Variants in SDCCAG8 observed in about 807,000 individuals in gnomAD.
The protein encoded by SDCCAG8 is serologically defined colon cancer antigen 8.
Under a neutral mutation model 101.8 loss-of-function variants are expected in SDCCAG8, and 74 were observed. That is an observed-to-expected ratio of 0.73 (90% CI 0.60 to 0.88). The LOEUF is 0.88. SDCCAG8 is among the 40% of genes least tolerant of loss of function. The pLI, the probability that SDCCAG8 is intolerant of heterozygous loss-of-function variation, is 0.00. For synonymous variants in SDCCAG8, 281 were observed against 292.9 expected (o/e 0.96, Z 0.41); for missense variants, 787 against 822.6 (o/e 0.96, Z 0.53).
At chr1:243,425,077 G>A (rs1009670190) in intron 15 of SDCCAG8, among the ~76,000 whole-genome samples, 19 of 152,064 alleles carry the variant, frequency 1.2e-4, no homozygotes, top group East Asian at 9.7e-4. Flanking sequence ...AACTCCTTTC[G>A]GACTATTTCA....
intron 1 of SDCCAG8, among the ~76,000 whole-genome samples, chr1:243,258,473 C>T (rs1436860055): frequency 6.6e-6 from 1 of 152,176 alleles, no homozygotes; most frequent in Non-Finnish European, 1.5e-5. Context: ...GGTGCCATCT[C>T]GGCTCACTGC....
chr1:243,344,335 A>G lies in SDCCAG8; in HGVS notation c.1473+4A>G. The stretch of plus-strand genomic sequence containing the variant: ...GGATCTTGAAATTAAAGATCAGGTA[A>G]GAGAGGACACAGCATAATTGCAGCA... On this transcript the variant is annotated splice_donor_region_variant and intron_variant, in intron 12 of 17. Transcript: ENST00000366541. 1 of 1,577,310 alleles carries G rather than the reference A, an allele frequency of 6.3e-7. No individual in the cohort carries two copies. Among genetic ancestry groups the G allele is most frequent in the Non-Finnish European group, 8.7e-7 (1 of 1,146,500 alleles).
intron 17 of SDCCAG8, among the ~76,000 whole-genome samples, chr1:243,491,846 G>A (rs182994105): frequency 6.6e-6 from 1 of 152,208 alleles, no homozygotes; most frequent in Non-Finnish European, 1.5e-5. Context: ...TCATGTCCGG[G>A]TTAGAGATGG....
intron 16 of SDCCAG8, among the ~76,000 whole-genome samples, chr1:243,461,954 T>C (rs1422171963): frequency 6.6e-6 from 1 of 152,102 alleles, no homozygotes; most frequent in African/African-American, 2.4e-5. Context: ...ATACCTAATA[T>C]ATTTTGGTAG....
At chr1:243,332,677 T>G (rs569618875) in intron 10 of SDCCAG8, among the ~76,000 whole-genome samples, 1 of 152,098 alleles carries the variant, frequency 6.6e-6, no homozygotes, top group East Asian at 1.9e-4. Flanking sequence ...GAGGTGATTA[T>G]CGCAGTCCAG....
At chr1:243,310,428 G>C (rs931303945) in intron 8 of SDCCAG8, among the ~76,000 whole-genome samples, 1 of 152,066 alleles carries the variant, frequency 6.6e-6, no homozygotes, top group African/African-American at 2.4e-5. Flanking sequence ...GGAAATTGGG[G>C]TTCAGAGAAG....
At position 243,293,196 on chromosome 1, in the gene SDCCAG8, T is replaced by C; in HGVS notation, c.652T>C (p.Ser218Pro). 6.2e-7 allele frequency: 1 copy of C among 1,614,174 alleles called. No individual in the cohort carries two copies. Among genetic ancestry groups the C allele is most frequent in the South Asian group, 1.1e-5 (1 of 91,082 alleles). Residue 218 changes from serine to proline, a missense_variant, in exon 6 of 18, where the codon TCT becomes CCT. Physicochemically the swap from Ser to Pro is moderately conservative, Grantham distance 74. Coordinates refer to ENST00000366541, the MANE Select transcript of SDCCAG8 (RefSeq NM_006642.5). ...HDNADFGKAA[S>P]AGEQLELEKL... ...CAATGCAGATTTTGGCAAAGCTGCATCTGCTGGTGAGCAGCTAGAACTGGT... is the reference window on the plus strand; with the variant it reads ...CAATGCAGATTTTGGCAAAGCTGCACCTGCTGGTGAGCAGCTAGAACTGGT...
chr1:243,332,172 T>TG (rs1453391246), intron 10 of SDCCAG8, among the ~76,000 whole-genome samples: 2 of 152,006 alleles, frequency 1.3e-5, no homozygotes, highest in East Asian at 3.9e-4. Context: ...CCCTGATGGG[T>TG]GGAGCATAGA....
chr1:243,406,188 T>G (rs531256947), intron 13 of SDCCAG8, among the ~76,000 whole-genome samples: 1 of 152,312 alleles, frequency 6.6e-6, no homozygotes, highest in East Asian at 1.9e-4. Context: ...TTTGAAAATA[T>G]GAAGATACAA....
intron 12 of SDCCAG8, among the ~76,000 whole-genome samples, chr1:243,367,499 C>CA (rs1322511332): frequency 2.0e-5 from 3 of 151,660 alleles, no homozygotes; most frequent in African/African-American, 7.3e-5. Flanking sequence ...TGTTAGCAAA[C>CA]ACAGGTCAAA....
At chr1:243,354,007 A>G (rs2076249740) in intron 12 of SDCCAG8, among the ~76,000 whole-genome samples, 1 of 152,224 alleles carries the variant, frequency 6.6e-6, no homozygotes, top group Non-Finnish European at 1.5e-5. Flanking sequence ...TTAGCACATG[A>G]CTGTTGATGA....
At chr1:243,432,309 G>A (rs2081836452) in intron 16 of SDCCAG8, among the ~76,000 whole-genome samples, 1 of 152,166 alleles carries the variant, frequency 6.6e-6, no homozygotes, top group South Asian at 2.1e-4. Flanking sequence ...TGTTCTCATT[G>A]TAAGTGGGAG....
In SDCCAG8 at chr1:243,344,278, G is replaced by A. The variant is rs2075566223; in HGVS notation, c.1420G>A (p.Glu474Lys). The change falls in exon 12 of 18, where the codon GAG (glutamate) becomes AAG (lysine). Residue 474 changes from glutamate (E) to lysine (K), a missense_variant. Glu to Lys is a moderately conservative substitution (Grantham distance 56). Coordinates refer to ENST00000366541, the MANE Select transcript of SDCCAG8 (RefSeq NM_006642.5). The stretch of plus-strand genomic sequence containing the variant: ...CATGGAGAAGGATGAGGCAGAAAAG[G>A]AGCACAGAGAGTTCAGAGCAAAAAC... ...TNMEKDEAEK[E>K]HREFRAKTNR... is the part of the protein sequence containing the mutation. 1 of 1,614,002 alleles carries A rather than the reference G, an allele frequency of 6.2e-7. No individual in the cohort carries two copies.
At chr1:243,412,348 A>G (rs2080242909) in intron 13 of SDCCAG8, among the ~76,000 whole-genome samples, 2 of 152,200 alleles carry the variant, frequency 1.3e-5, no homozygotes, top group Non-Finnish European at 2.9e-5. Context: ...CATAAAAGAC[A>G]TTAATATTAA....
Position 243,364,987 on chromosome 1 carries a change from AGAC to A in SDCCAG8, c.1474-13731_1474-13729del, listed in dbSNP as rs199927647. Among the ~76,000 whole-genome samples the A allele has an allele frequency of 7.7e-3, 1,173 of 152,354 alleles. 22 individuals carry two copies. The highest frequency in any genetic ancestry group is 0.027 in the African/African-American group (1,121 of 41,566). On this transcript the variant is annotated intron_variant, in intron 12 of 17. Coordinates refer to ENST00000366541, the MANE Select transcript of SDCCAG8 (RefSeq NM_006642.5). ...GATTAACAGTTGTCTGAGGAGAAACAGACGATATGTTTTCTTTATTGCATTGAA... is the reference window on the plus strand; with the variant it reads ...GATTAACAGTTGTCTGAGGAGAAACAGATATGTTTTCTTTATTGCATTGAA...
intron 13 of SDCCAG8, among the ~76,000 whole-genome samples, chr1:243,401,409 G>T (rs1285105585): frequency 6.6e-6 from 1 of 152,182 alleles, no homozygotes; most frequent in Non-Finnish European, 1.5e-5. Context: ...TGACTGCAAG[G>T]TCCTCTTGAT....
At chr1:243,309,175 G>A (rs563544022) in intron 8 of SDCCAG8, among the ~76,000 whole-genome samples, 72 of 152,308 alleles carry the variant, frequency 4.7e-4, no homozygotes, top group Admixed American at 7.8e-4. Context: ...AGGCAGGTTA[G>A]CCTGTGACCA....
chr1:243,320,659 A>G (rs538336095), intron 9 of SDCCAG8, among the ~76,000 whole-genome samples: 27 of 152,308 alleles, frequency 1.8e-4, no homozygotes, highest in African/African-American at 6.3e-4. Context: ...TCTGTGCCCC[A>G]GTTTTTCCTC....
intron 13 of SDCCAG8, among the ~76,000 whole-genome samples, chr1:243,407,561 A>G (rs1012489343): frequency 6.6e-6 from 1 of 152,218 alleles, no homozygotes; most frequent in South Asian, 2.1e-4. Flanking sequence ...TAGCTAGTCT[A>G]CTGTATTGTC....
Sources: gnomAD v4.1 joint callset for allele counts (sites outside exome capture counted in the v4.1 genomes callset) on GRCh38, gnomAD v4.1.1 for gene constraint, MANE v1.5 for transcripts, NCBI Gene and HGNC (gene_info 2026-07-23, HGNC 2026-07-21) for gene names.